CELF2: variants seen among roughly 807,000 people sequenced by gnomAD.
CELF2 encodes CUG triplet repeat RNA-binding protein 2.
Under a neutral mutation model 62.6 loss-of-function variants are expected in CELF2, and 8 were observed. That is an observed-to-expected ratio of 0.13 (90% CI 0.07 to 0.23). The LOEUF is 0.23. CELF2 is among the 10% of genes least tolerant of loss of function. The pLI, the probability that CELF2 is intolerant of heterozygous loss-of-function variation, is 1.00. For missense variants in CELF2, 333 were observed against 671.0 expected (o/e 0.50, Z 5.56); for synonymous variants, 258 against 250.0 (o/e 1.03, Z -0.30).
chr10:10,840,241 G>T (rs540478210), intron 1 of CELF2, among the ~76,000 whole-genome samples: 7 of 152,206 alleles, frequency 4.6e-5, no homozygotes, highest in Non-Finnish European at 7.3e-5. Context: ...CCTTATTGCT[G>T]CAGCATAAGT....
At chr10:11,218,287 C>A (rs780667873) in intron 3 of CELF2, among the ~76,000 whole-genome samples, 3 of 152,086 alleles carry the variant, frequency 2.0e-5, no homozygotes, top group Non-Finnish European at 4.4e-5. Flanking sequence ...CTGTGGTAAC[C>A]AGTGCAAGGA....
chr10:11,311,087 G>A lies in CELF2; in HGVS notation c.977-3052G>A, dbSNP rs192975067. On this transcript the variant is annotated intron_variant, in intron 9 of 12. Coordinates refer to ENST00000633077, the MANE Select transcript of CELF2 (RefSeq NM_001326342.2). The surrounding 1 kb of genome is among the most constrained non-coding windows in gnomAD (Gnocchi z 4.7). ...ATCTAATAGGAGACCCTCCCCATAC[G>A]AGCCTGAAACCTCAAAAGGCTAAAC... Among the ~76,000 whole-genome samples the A allele has an allele frequency of 1.9e-4, 29 of 152,178 alleles. No individual in the cohort carries two copies. Among genetic ancestry groups the A allele is most frequent in the African/African-American group, 6.0e-4 (25 of 41,524 alleles).
the CELF2 span, among the ~76,000 whole-genome samples, chr10:10,638,468 A>G: frequency 6.6e-6 from 1 of 152,358 alleles, no homozygotes; most frequent in Admixed American, 6.5e-5. Context: ...TCCATACAGT[A>G]TCTACTGGAA....
chr10:11,115,055 C>T (rs1240680288), intron 1 of CELF2, among the ~76,000 whole-genome samples: 7 of 152,052 alleles, frequency 4.6e-5, no homozygotes, highest in Non-Finnish European at 7.4e-5. Flanking sequence ...GAATAAATAC[C>T]GGAAGAATAA....
At chr10:11,295,553 T>C (rs908125911) in intron 9 of CELF2, among the ~76,000 whole-genome samples, 2 of 152,218 alleles carry the variant, frequency 1.3e-5, no homozygotes, top group African/African-American at 4.8e-5. Flanking sequence ...CATCTTTCTG[T>C]GTGTTTGGTG....
the CELF2 span, among the ~76,000 whole-genome samples, chr10:10,629,755 A>C: frequency 6.6e-6 from 1 of 151,938 alleles, no homozygotes; most frequent in Non-Finnish European, 1.5e-5. Context: ...CCATTTCAAA[A>C]TACTAATGGA....
the CELF2 span, among the ~76,000 whole-genome samples, chr10:10,610,649 G>T: frequency 1.3e-5 from 2 of 152,132 alleles, no homozygotes; most frequent in African/African-American, 4.8e-5. Context: ...TAATTCAACT[G>T]CAGTTAACTC....
At chr10:10,911,080 G>A (rs892587827) in intron 1 of CELF2, among the ~76,000 whole-genome samples, 2 of 152,190 alleles carry the variant, frequency 1.3e-5, no homozygotes, top group Non-Finnish European at 2.9e-5. Flanking sequence ...TCCAAGACAG[G>A]CCTCCTCTTC....
intron 1 of CELF2, among the ~76,000 whole-genome samples, chr10:10,815,341 G>A (rs1455920140): frequency 3.9e-5 from 6 of 152,206 alleles, no homozygotes; most frequent in African/African-American, 9.6e-5. Context: ...ATTTCTGCAG[G>A]AAAGGAGGAA....
intron 1 of CELF2, among the ~76,000 whole-genome samples, chr10:11,056,115 A>T (rs1477854951): frequency 1.3e-5 from 2 of 152,212 alleles, no homozygotes; most frequent in African/African-American, 2.4e-5. Flanking sequence ...CTCTGATGGA[A>T]ACTGGAGATT....
the CELF2 span, among the ~76,000 whole-genome samples, chr10:10,469,790 G>C: frequency 6.6e-6 from 1 of 151,696 alleles, no homozygotes; most frequent in African/African-American, 2.4e-5. Flanking sequence ...TTTCCTTGTG[G>C]GGAGACTTTT....
At chr10:10,989,377 C>G (rs957572189) in intron 2 of CELF2, among the ~76,000 whole-genome samples, 2 of 152,000 alleles carry the variant, frequency 1.3e-5, no homozygotes, top group African/African-American at 4.8e-5. Flanking sequence ...TGGTACCAAC[C>G]TAAGAAATGA....
At position 11,311,358 on chromosome 10, in the gene CELF2, A is replaced by T. The variant is rs1289876410; in HGVS notation, c.977-2781A>T. On this transcript the variant is annotated intron_variant, in intron 9 of 12. Coordinates refer to ENST00000633077, the MANE Select transcript of CELF2 (RefSeq NM_001326342.2). The surrounding 1 kb of genome is among the most constrained non-coding windows in gnomAD (Gnocchi z 4.7). ...CCAGCACCTTGTAGAATCAAATGTA[A>T]GTCATCTTGAAAGAACCCATCTTCA... Among the ~76,000 whole-genome samples, 2 of 152,230 alleles carry T rather than the reference A, an allele frequency of 1.3e-5. No homozygotes were observed. The highest frequency in any genetic ancestry group is 1.9e-4 in the East Asian group (1 of 5,204).
At chr10:11,082,718 C>T (rs117005177) in intron 1 of CELF2, among the ~76,000 whole-genome samples, 85 of 152,332 alleles carry the variant, frequency 5.6e-4, no homozygotes, top group Admixed American at 1.8e-3. Context: ...AAACCACATT[C>T]TTTGAGCTCT....
At chr10:11,231,781 C>T (rs1565444984) in intron 3 of CELF2, among the ~76,000 whole-genome samples, 2 of 150,210 alleles carry the variant, frequency 1.3e-5, no homozygotes, top group African/African-American at 4.9e-5. Context: ...ATAAAGACAG[C>T]ATGAGGTCAA....
intron 1 of CELF2, among the ~76,000 whole-genome samples, chr10:11,061,902 G>A (rs545813537): frequency 5.9e-5 from 9 of 152,222 alleles, no homozygotes; most frequent in African/African-American, 2.2e-4. Context: ...AACCTTTGCG[G>A]CCTGGGCTCA....
the CELF2 span, among the ~76,000 whole-genome samples, chr10:10,477,122 CTGT>C: frequency 3.3e-5 from 5 of 152,172 alleles, no homozygotes; most frequent in African/African-American, 1.2e-4. Context: ...CACATCATTT[CTGT>C]TGTTCTTCAA....
At chr10:11,193,945 T>A (rs2134654958) in intron 2 of CELF2, among the ~76,000 whole-genome samples, 1 of 152,330 alleles carries the variant, frequency 6.6e-6, no homozygotes, top group African/African-American at 2.4e-5. Flanking sequence ...TTAGTTTAAA[T>A]AGTGGTCACA....
intron 4 of CELF2, among the ~76,000 whole-genome samples, chr10:11,251,898 G>A (rs2077262410): frequency 6.6e-6 from 1 of 152,186 alleles, no homozygotes; most frequent in South Asian, 2.1e-4. Flanking sequence ...GCAGAGGCCG[G>A]CCTGTCCAGG....
Sources: allele counts gnomAD v4.1 joint callset (sites outside exome capture counted in the v4.1 genomes callset), GRCh38; gene constraint gnomAD v4.1.1; non-coding constraint Gnocchi (gnomAD v3.1); transcripts MANE v1.5; gene names NCBI Gene and HGNC (gene_info 2026-07-23, HGNC 2026-07-21).